The following ROBO2 variants were observed in gnomAD, a reference collection of about 807,000 sequenced individuals.
ROBO2 encodes roundabout homolog 2.
ROBO2 carries 53 observed loss-of-function variants against 160.8 expected under a neutral mutation model. The observed-to-expected ratio is 0.33, with a 90% CI of 0.26 to 0.41. The LOEUF is 0.41. ROBO2 is among the 10% of genes least tolerant of loss of function. ROBO2 has a pLI of 1.00. For missense variants in ROBO2, 1,577 were observed against 1,722.4 expected (o/e 0.92, Z 1.49); for synonymous variants, 664 against 611.7 (o/e 1.09, Z -1.26).
At chr3:76,363,210 C>T (rs1186736910) in intron 2 of ROBO2, among the ~76,000 whole-genome samples, 3 of 151,952 alleles carry the variant, frequency 2.0e-5, no homozygotes, top group African/African-American at 7.2e-5. Flanking sequence ...CACACACACA[C>T]AGGCACACAC....
intron 2 of ROBO2, among the ~76,000 whole-genome samples, chr3:75,985,892 G>T (rs2065400514): frequency 6.6e-6 from 1 of 151,380 alleles, no homozygotes; most frequent in South Asian, 2.1e-4. Context: ...CATTTTTAAG[G>T]CTGAATAATA....
At chr3:77,127,745 G>T (rs964078237) in intron 2 of ROBO2, among the ~76,000 whole-genome samples, 6 of 152,118 alleles carry the variant, frequency 3.9e-5, no homozygotes, top group African/African-American at 1.4e-4. Context: ...TGTGTTATCA[G>T]TTAAGGCTAA....
intron 1 of ROBO2, among the ~76,000 whole-genome samples, chr3:75,918,950 C>T (rs564183690): frequency 5.3e-4 from 81 of 152,078 alleles, no homozygotes; most frequent in Middle Eastern, 3.4e-3. Context: ...GAGGTGGTGG[C>T]GTTTTGTAAA....
At chr3:77,448,254 T>C (rs1032601268) in intron 2 of ROBO2, among the ~76,000 whole-genome samples, 2 of 152,148 alleles carry the variant, frequency 1.3e-5, no homozygotes, top group Admixed American at 6.5e-5. Context: ...GTCTGGCCTA[T>C]GACTTTTGAA....
At chr3:77,434,943 T>C (rs1476804232) in intron 2 of ROBO2, among the ~76,000 whole-genome samples, 1 of 152,088 alleles carries the variant, frequency 6.6e-6, no homozygotes, top group Non-Finnish European at 1.5e-5. Context: ...GAAATCAATT[T>C]TAATATGCTT....
intron 2 of ROBO2, among the ~76,000 whole-genome samples, chr3:76,210,199 T>C (rs1037548403): frequency 5.3e-5 from 8 of 152,134 alleles, no homozygotes; most frequent in African/African-American, 1.9e-4. Context: ...TTAAGAAACC[T>C]AATGTGTAAG....
intron 2 of ROBO2, among the ~76,000 whole-genome samples, chr3:76,941,645 A>G (rs943029688): frequency 6.6e-6 from 1 of 152,214 alleles, no homozygotes; most frequent in Non-Finnish European, 1.5e-5. Context: ...ATTGTGTTAC[A>G]GTCTGTGTAG....
At chr3:77,048,108 C>T (rs2064872037) in intron 1 of ROBO2, among the ~76,000 whole-genome samples, 1 of 152,170 alleles carries the variant, frequency 6.6e-6, no homozygotes, top group Non-Finnish European at 1.5e-5. Context: ...TCAAGCATAA[C>T]TTATTGTTAT....
chr3:76,392,036 G>T (rs540469219), intron 2 of ROBO2, among the ~76,000 whole-genome samples: 25 of 151,928 alleles, frequency 1.6e-4, no homozygotes, highest in African/African-American at 5.8e-4. Flanking sequence ...TCTTATTCAG[G>T]GATAATTTTA....
chr3:76,200,278 C>T (rs1702461294), intron 2 of ROBO2, among the ~76,000 whole-genome samples: 1 of 152,064 alleles, frequency 6.6e-6, no homozygotes, highest in Non-Finnish European at 1.5e-5. Context: ...ATGGTCAGTG[C>T]CTTTTCCATC....
chr3:77,109,588 G>A (rs1272402623), intron 2 of ROBO2, among the ~76,000 whole-genome samples: 1 of 152,232 alleles, frequency 6.6e-6, no homozygotes, highest in African/African-American at 2.4e-5. Context: ...CAGGTGAAAT[G>A]ATTTTGCTAG....
chr3:76,691,514 A>G (rs1228592228), intron 2 of ROBO2, among the ~76,000 whole-genome samples: 5 of 152,288 alleles, frequency 3.3e-5, no homozygotes, highest in Admixed American at 6.6e-5. Context: ...GAAGATATTA[A>G]TGAGCGGAAA....
chr3:77,035,021 C>T (rs1217130170), upstream of ROBO2, among the ~76,000 whole-genome samples: 1 of 151,830 alleles, frequency 6.6e-6, no homozygotes, highest in Non-Finnish European at 1.5e-5. Flanking sequence ...AAAATCCTTG[C>T]ACACACATTA....
At chr3:76,059,489 T>A (rs1439474505) in intron 2 of ROBO2, among the ~76,000 whole-genome samples, 2 of 152,012 alleles carry the variant, frequency 1.3e-5, no homozygotes, top group African/African-American at 4.8e-5. Flanking sequence ...CCACTTTTTG[T>A]TGGGGTTGTT....
intron 2 of ROBO2, among the ~76,000 whole-genome samples, chr3:76,442,411 G>A (rs1239322573): frequency 6.6e-6 from 1 of 152,134 alleles, no homozygotes; most frequent in African/African-American, 2.4e-5. Flanking sequence ...TGGAAAGAGA[G>A]CAGAGCATAA....
intron 2 of ROBO2, among the ~76,000 whole-genome samples, chr3:76,509,192 G>A (rs922710900): frequency 1.1e-4 from 16 of 152,156 alleles, no homozygotes; most frequent in Non-Finnish European, 1.5e-5. Context: ...TGGGGCCAAG[G>A]TGGTGCCATT....
intron 2 of ROBO2, among the ~76,000 whole-genome samples, chr3:76,806,210 T>TGTGC (rs1021812500): frequency 1.0e-5 from 1 of 99,818 alleles, no homozygotes; most frequent in African/African-American, 4.4e-5. Flanking sequence ...TTATTTTCTG[T>TGTGC]GTGCGTGTGT....
rs1475525052 is a variant in ROBO2, at chr3:77,477,356, A to G, written c.389-58A>G. ...ACAAGACTTGAAGTTACCTTGTACA[A>G]CAAAAAGCCTAAGTTACTGTCGTTG... On this transcript the variant is annotated intron_variant, in intron 2 of 25. Transcript: ENST00000461745. 2.5e-6 allele frequency: 4 copies of G among 1,573,732 alleles called. No homozygotes were observed. In the Admixed American group the frequency reaches 6.7e-5, roughly 26 times the overall value.
chr3:77,458,526 A>G (rs1215481736), intron 2 of ROBO2, among the ~76,000 whole-genome samples: 1 of 152,118 alleles, frequency 6.6e-6, no homozygotes, highest in Non-Finnish European at 1.5e-5. Context: ...GGTTATACAG[A>G]AGAAGAATGT....
Sources: gnomAD v4.1 joint callset for allele counts (sites outside exome capture counted in the v4.1 genomes callset) on GRCh38, gnomAD v4.1.1 for gene constraint, MANE v1.5 for transcripts, NCBI Gene and HGNC (gene_info 2026-07-23, HGNC 2026-07-21) for gene names.